CLEC1B: variants seen among roughly 807,000 people sequenced by gnomAD.
The protein encoded by CLEC1B is C-type lectin domain family 1 member B.
CLEC1B carries 26 observed loss-of-function variants against 26.7 expected under a neutral mutation model. The ratio of observed to expected loss-of-function variants is 0.97; its 90% confidence interval spans 0.71 to 1.35. The LOEUF (loss-of-function observed/expected upper bound fraction) is 1.35. Ranked by LOEUF, CLEC1B falls within the 40% of genes most tolerant of loss-of-function variation. The probability of loss-of-function intolerance (pLI) is 0.00; values close to 1 mark genes in which losing one functional copy is unlikely to be tolerated. For missense variants in CLEC1B, 293 were observed against 282.6 expected, an observed-to-expected ratio of 1.04 and a Z score of -0.26; for synonymous variants, 112 against 96.0, an observed-to-expected ratio of 1.17 and a Z score of -0.97.
intron 1 of CLEC1B, among the ~76,000 whole-genome samples, chr12:9,998,776 C>T (rs972557372): frequency 7.9e-5 from 12 of 152,076 alleles, no homozygotes; most frequent in African/African-American, 2.7e-4. Flanking sequence ...CACTCTTTTC[C>T]GTTATCCCCT....
intron 4 of CLEC1B, among the ~76,000 whole-genome samples, chr12:9,996,452 A>G (rs1488391751): frequency 6.6e-6 from 1 of 152,164 alleles, no homozygotes; most frequent in African/African-American, 2.4e-5. Flanking sequence ...ATTTTGCTGG[A>G]GTGGAAAGAA....
rs571865873 is a variant in CLEC1B at position 9,994,825 on chromosome 12, G to A, written c.545+315C>T. ...AAAACACAAAAACACACACACATGTGCATGCGCGCACACACACACACACAC... is the reference window on the plus strand; with the variant it reads ...AAAACACAAAAACACACACACATGTACATGCGCGCACACACACACACACAC... On this transcript the variant is annotated intron_variant, in intron 5 of 5. Coordinates refer to ENST00000298527, the MANE Select transcript of CLEC1B (RefSeq NM_016509.4). Among the ~76,000 whole-genome samples the A allele has an allele frequency of 3.5e-5, 5 of 142,966 alleles. No homozygotes were observed. The South Asian group carries it at 1.1e-3, about 33-fold the overall frequency. 93.8% of individuals were successfully genotyped at this position (142,966 alleles called of 152,430 possible).
chr12:9,996,823 A>G, intron 4 of CLEC1B, 23 bp downstream of exon 4: 1 of 1,613,678 alleles, frequency 6.2e-7, no homozygotes, highest in Non-Finnish European at 8.5e-7. Flanking sequence ...CCTCCAAAAT[A>G]TTTGACATAA....
At chr12:10,000,778 C>T (rs1236811451), upstream of CLEC1B, among the ~76,000 whole-genome samples, 1 of 152,160 alleles carries the variant, frequency 6.6e-6, no homozygotes, top group African/African-American at 2.4e-5. Context: ...GGGGTTTGAT[C>T]CTCCCTCTCT....
intron 4 of CLEC1B, 131 bp from the exon 5 acceptor site, chr12:9,995,377 C>T (rs1865016622): frequency 1.3e-6 from 1 of 779,120 alleles, no homozygotes; most frequent in Non-Finnish European, 2.2e-6. Flanking sequence ...TAATGGATTA[C>T]ATTTGATGTT....
At chr12:9,998,218 G>T in intron 2 of CLEC1B, 64 bp downstream of exon 2, 9 of 1,206,214 alleles carry the variant, frequency 7.5e-6, no homozygotes, top group Non-Finnish European at 1.1e-5. Context: ...AGCTTAGTGG[G>T]ATATGCCATG....
upstream of CLEC1B, chr12:9,999,202 C>G (rs1024266142): frequency 9.1e-6 from 7 of 767,522 alleles, no homozygotes; most frequent in African/African-American, 1.2e-4. Context: ...ATCTTCCTGT[C>G]TTTAGTAGGG....
chr12:9,993,661 G>A (rs190994435), intron 5 of CLEC1B, among the ~76,000 whole-genome samples: 1 of 152,102 alleles, frequency 6.6e-6, no homozygotes, highest in East Asian at 1.9e-4. Flanking sequence ...GGAGATGGAA[G>A]AGCCCTACAG....
At position 9,998,466 on chromosome 12, in the gene CLEC1B, C is replaced by G; in HGVS notation, c.65-86G>C. The G allele has an allele frequency of 6.7e-6, 6 of 894,246 alleles. No individual in the cohort carries two copies. In the South Asian group the frequency reaches 8.0e-5, roughly 12 times the overall value. The allele number at this position is 894,246 out of a possible 1,614,324, so 55.4% of individuals were successfully genotyped here. A position where few individuals can be genotyped will look rare whatever the true frequency, so the allele number is the denominator to read the frequency against. On this transcript the variant is annotated intron_variant, in intron 1 of 5. Coordinates refer to ENST00000298527, the MANE Select transcript of CLEC1B (RefSeq NM_016509.4). ...TCACCCCTGCCCCTGCCCCTGCCTTCTCAGGGTCCTCCAAGTAATAGAAAG... is the reference window on the plus strand; with the variant it reads ...TCACCCCTGCCCCTGCCCCTGCCTTGTCAGGGTCCTCCAAGTAATAGAAAG...
chr12:9,998,158 C>T lies in CLEC1B; in HGVS notation c.163+124G>A, dbSNP rs985657393. The T allele has an allele frequency of 2.2e-5, 16 of 718,424 alleles. No homozygotes were observed. In the African/African-American group the frequency reaches 2.8e-4, roughly 13 times the overall value. 44.5% of individuals were successfully genotyped at this position (718,424 alleles called of 1,614,324 possible). ...TTATTGAGATTCTCTTGGCAACTAT[C>T]TGTAGGACAACTGTAGAAGTGATAA... On this transcript the variant is annotated intron_variant, in intron 2 of 5. Coordinates refer to ENST00000298527, the MANE Select transcript of CLEC1B (RefSeq NM_016509.4).
At position 9,997,241 on chromosome 12, in the gene CLEC1B, T is replaced by C. The variant is rs201255744; in HGVS notation, c.202A>G (p.Asn68Asp). The C allele has an allele frequency of 6.2e-7, 1 of 1,613,598 alleles. No individual in the cohort carries two copies. Among genetic ancestry groups the C allele is most frequent in the Non-Finnish European group, 8.5e-7 (1 of 1,179,682 alleles). ...AATTGTTGCAGAGTTCCTGTGCGAT[T>C]TTCATTCTCACCTTGTAGGTAATTG... is the stretch of plus-strand genomic sequence containing the variant. ...QRNYLQGENE[N>D]RTGTLQQLAK... The change falls in exon 3 of 6, where the codon AAT becomes GAT. Residue 68 changes from asparagine (N) to aspartate (D), a missense_variant. By Grantham distance (23) the Asn-to-Asp change is conservative (BLOSUM62 1). Coordinates refer to ENST00000298527, the MANE Select transcript of CLEC1B (RefSeq NM_016509.4).
rs1250686575 is a variant in CLEC1B at position 9,993,087 on chromosome 12, T to C, written c.*56A>G. 6.6e-7 allele frequency: 1 copy of C among 1,519,010 alleles called. No individual in the cohort carries two copies. The highest frequency in any genetic ancestry group is 1.4e-5 in the African/African-American group (1 of 72,360). 94.1% of individuals were successfully genotyped at this position (1,519,010 alleles called of 1,614,324 possible). On this transcript the variant is annotated 3_prime_UTR_variant, in exon 6 of 6. Coordinates refer to ENST00000298527, the MANE Select transcript of CLEC1B (RefSeq NM_016509.4). ...TTTCAGCTACTGATGCATTCATACA[T>C]ATCTTTTATTGTACAATAAAGCCCT...
intron 5 of CLEC1B, 154 bp downstream of exon 5, chr12:9,994,986 T>A (rs1865001201): frequency 9.1e-6 from 14 of 1,532,434 alleles, no homozygotes; most frequent in Non-Finnish European, 1.2e-5. Context: ...GAAAGAATTG[T>A]CTTATGACCA....
Position 9,998,539 on chromosome 12 carries a change from A to G in CLEC1B, c.65-159T>C, listed in dbSNP as rs114799595. Among the ~76,000 whole-genome samples the G allele has an allele frequency of 7.2e-3, 937 of 130,658 alleles. 103 individuals carry two copies. The highest frequency in any genetic ancestry group is 0.025 in the African/African-American group (885 of 34,812). 85.7% of individuals were successfully genotyped at this position (130,658 alleles called of 152,430 possible). A position where few individuals can be genotyped will look rare whatever the true frequency, so the allele number is the denominator to read the frequency against. On this transcript the variant is annotated intron_variant, in intron 1 of 5. Coordinates refer to ENST00000298527, the MANE Select transcript of CLEC1B (RefSeq NM_016509.4). ...TGTGTTCTCCTCATGATCATCAACA[A>G]TAGGCATGGCCCACCCCTATACCAT...
At chr12:10,001,842 T>A (rs983371586), upstream of CLEC1B, among the ~76,000 whole-genome samples, 1 of 152,128 alleles carries the variant, frequency 6.6e-6, no homozygotes, top group African/African-American at 2.4e-5. Context: ...TCTCTTCTCC[T>A]TTTCTTCACT....
chr12:10,000,549 A>C (rs1042533580), upstream of CLEC1B, among the ~76,000 whole-genome samples: 6 of 152,240 alleles, frequency 3.9e-5, no homozygotes, highest in African/African-American at 1.2e-4. Context: ...AAAGACTAAA[A>C]ATTTTTAAAA....
chr12:9,995,487 TG>T, intron 4 of CLEC1B: 1 of 437,624 alleles, frequency 2.3e-6, no homozygotes, highest in South Asian at 2.0e-5. Flanking sequence ...TCTTCTTTTG[TG>T]TTTATAACAT....
At chr12:9,999,748 A>G (rs1366478421), upstream of CLEC1B, among the ~76,000 whole-genome samples, 1 of 152,222 alleles carries the variant, frequency 6.6e-6, no homozygotes, top group Non-Finnish European at 1.5e-5. Context: ...AAAACTATCA[A>G]ATCAAGTAAA....
Position 9,995,922 on chromosome 12 carries a change from G to A in CLEC1B, c.439-676C>T, listed in dbSNP as rs969680904. The stretch of plus-strand genomic sequence containing the variant: ...TTCTTTCTGTCTTACTAACTGCATA[G>A]GTCCAAATTCTGGAATAGTTTCAGC... On this transcript the variant is annotated intron_variant, in intron 4 of 5. Transcript: ENST00000298527. 2.0e-4 allele frequency among the ~76,000 whole-genome samples: 30 copies of A among 152,054 alleles called. 1 individual carries two copies.
Sources: allele counts gnomAD v4.1 joint callset (sites outside exome capture counted in the v4.1 genomes callset), GRCh38; gene constraint gnomAD v4.1.1; transcripts MANE v1.5; gene names NCBI Gene and HGNC (gene_info 2026-07-23, HGNC 2026-07-21).